HMGCLL1: variants seen among roughly 807,000 people sequenced by gnomAD.
HMGCLL1 encodes the protein 3-hydroxy-3-methylglutaryl-CoA lyase like 1, also known as 3-hydroxymethyl-3-methylglutaryl-CoA lyase, cytoplasmic.
Under a neutral mutation model 39.1 loss-of-function variants are expected in HMGCLL1, and 36 were observed. The ratio of observed to expected loss-of-function variants is 0.92; its 90% confidence interval spans 0.71 to 1.22. The LOEUF (loss-of-function observed/expected upper bound fraction) is 1.22, where lower values mean the gene tolerates loss of function less well. Ranked by LOEUF, HMGCLL1 falls within the 50% of genes most tolerant of loss-of-function variation. HMGCLL1 has a pLI of 0.00. For synonymous variants in HMGCLL1, 149 were observed against 144.0 expected (o/e 1.03, Z -0.25); for missense variants, 451 against 416.5 (o/e 1.08, Z -0.72).
intron 5 of HMGCLL1, among the ~76,000 whole-genome samples, chr6:55,504,077 T>C (rs1465133228): frequency 1.3e-5 from 2 of 151,752 alleles, no homozygotes; most frequent in Non-Finnish European, 2.9e-5. Flanking sequence ...AAACTGGTGT[T>C]CAAGTTTAGC....
intron 1 of HMGCLL1, among the ~76,000 whole-genome samples, chr6:55,573,998 G>T (rs950273818): frequency 6.6e-6 from 1 of 152,042 alleles, no homozygotes; most frequent in Non-Finnish European, 1.5e-5. Flanking sequence ...ATTGTAACTG[G>T]CTTCCACTGT....
intron 7 of HMGCLL1, among the ~76,000 whole-genome samples, chr6:55,468,987 A>G (rs1413842696): frequency 6.6e-6 from 1 of 151,826 alleles, no homozygotes; most frequent in African/African-American, 2.4e-5. Context: ...AATAGCATGT[A>G]TTTAGCAGGG....
chr6:55,676,939 T>C, the HMGCLL1 span, among the ~76,000 whole-genome samples: 2,175 of 152,334 alleles, frequency 0.014, 57 homozygotes, highest in African/African-American at 0.05. Flanking sequence ...GGCCTATTTA[T>C]TACTTCGTAT....
rs558465557 is a variant in HMGCLL1 at position 55,539,790 on chromosome 6, C to A, written c.297+1939G>T. Among the ~76,000 whole-genome samples the A allele has an allele frequency of 2.4e-4, 35 of 146,122 alleles. 1 individual carries two copies. The South Asian group carries it at 4.7e-3, about 19-fold the overall frequency. On this transcript the variant is annotated intron_variant, in intron 3 of 8. Coordinates refer to ENST00000274901, the MANE Select transcript of HMGCLL1 (RefSeq NM_001042406.2). ...CTAAGTGATTAAATAATCTGTACAA[C>A]AAAATCCCGTGACAGATGTTTACCT... is the stretch of plus-strand genomic sequence containing the variant.
chr6:55,454,963 G>A (rs374621703), intron 7 of HMGCLL1, among the ~76,000 whole-genome samples: 23 of 151,680 alleles, frequency 1.5e-4, no homozygotes, highest in African/African-American at 5.6e-4. Flanking sequence ...AAATATTACA[G>A]GCCAGGCACA....
the HMGCLL1 span, among the ~76,000 whole-genome samples, chr6:55,587,078 T>A: frequency 8.1e-4 from 123 of 152,148 alleles, 1 homozygote; most frequent in East Asian, 0.016. Context: ...ACTTTAAGGA[T>A]CGCCATTCTA....
chr6:55,518,310 A>T (rs758170520), intron 3 of HMGCLL1, among the ~76,000 whole-genome samples: 1 of 152,164 alleles, frequency 6.6e-6, no homozygotes, highest in Non-Finnish European at 1.5e-5. Context: ...GAATGAATAA[A>T]GGTTGGTATG....
intron 4 of HMGCLL1, among the ~76,000 whole-genome samples, chr6:55,516,145 A>G (rs921751292): frequency 5.9e-5 from 9 of 152,122 alleles, no homozygotes; most frequent in Non-Finnish European, 1.0e-4. Flanking sequence ...GTTGACAAAA[A>G]TAATTACCAA....
At chr6:55,571,092 A>G (rs1162141752) in intron 1 of HMGCLL1, among the ~76,000 whole-genome samples, 2 of 152,188 alleles carry the variant, frequency 1.3e-5, no homozygotes, top group Non-Finnish European at 2.9e-5. Flanking sequence ...AAATTATGGG[A>G]GCTACAATTC....
chr6:55,606,233 A>G, the HMGCLL1 span, among the ~76,000 whole-genome samples: 2 of 152,210 alleles, frequency 1.3e-5, no homozygotes, highest in African/African-American at 4.8e-5. Context: ...AGGACACAAC[A>G]AAATCCAAAC....
At chr6:55,664,400 G>T in the HMGCLL1 span, among the ~76,000 whole-genome samples, 1 of 151,694 alleles carries the variant, frequency 6.6e-6, no homozygotes, top group Non-Finnish European at 1.5e-5. Flanking sequence ...ATCTGAAAAA[G>T]ATCTTAGTTC....
intron 7 of HMGCLL1, among the ~76,000 whole-genome samples, chr6:55,476,984 C>A (rs1765323996): frequency 9.1e-6 from 1 of 110,356 alleles, no homozygotes; most frequent in South Asian, 3.3e-4. Flanking sequence ...TATGTGTAAG[C>A]CTTGTTTATA....
At chr6:55,605,095 CAGCCTT>C in the HMGCLL1 span, among the ~76,000 whole-genome samples, 1 of 152,192 alleles carries the variant, frequency 6.6e-6, no homozygotes, top group Non-Finnish European at 1.5e-5. Context: ...GGAAGGCAGA[CAGCCTT>C]CAGCTGGCAG....
At chr6:55,492,425 C>T (rs771017522) in intron 7 of HMGCLL1, among the ~76,000 whole-genome samples, 3 of 152,198 alleles carry the variant, frequency 2.0e-5, no homozygotes, top group Non-Finnish European at 4.4e-5. Context: ...CACTCAGCGC[C>T]ACTCAGGACC....
the HMGCLL1 span, among the ~76,000 whole-genome samples, chr6:55,584,278 C>T: frequency 3.9e-5 from 6 of 152,092 alleles, no homozygotes; most frequent in African/African-American, 1.4e-4. Flanking sequence ...GAGTTCCTAT[C>T]ACTTCTATAA....
chr6:55,579,963 A>C (rs2127481766), upstream of HMGCLL1, among the ~76,000 whole-genome samples: 1 of 152,226 alleles, frequency 6.6e-6, no homozygotes, highest in Non-Finnish European at 1.5e-5. Flanking sequence ...ACACCCTAAT[A>C]ATCTTCGCAG....
intron 1 of HMGCLL1, among the ~76,000 whole-genome samples, chr6:55,562,770 G>A (rs936518963): frequency 6.6e-6 from 1 of 152,076 alleles, no homozygotes; most frequent in African/African-American, 2.4e-5. Context: ...GGATAGTGGA[G>A]AGTCTACCTT....
At chr6:55,508,660 T>G (rs983440799) in intron 5 of HMGCLL1, among the ~76,000 whole-genome samples, 3 of 151,844 alleles carry the variant, frequency 2.0e-5, no homozygotes, top group African/African-American at 7.2e-5. Context: ...TTAAATTCAC[T>G]TTGTTATATC....
In HMGCLL1 at chr6:55,560,454, C is replaced by A. The variant is rs184086801; in HGVS notation, c.109-18314G>T. ...ATGTGATACCTATAAGCTGTTCTGT[C>A]CAAATTCCAATTTCAGTTTTTTATA... On this transcript the variant is annotated intron_variant, in intron 1 of 8. Coordinates refer to ENST00000274901, the MANE Select transcript of HMGCLL1 (RefSeq NM_001042406.2). Among the ~76,000 whole-genome samples, 14 of 152,234 alleles carry A rather than the reference C, an allele frequency of 9.2e-5. No homozygotes were observed. The East Asian group carries it at 2.3e-3, about 25-fold the overall frequency.
Sources: allele counts gnomAD v4.1 joint callset (sites outside exome capture counted in the v4.1 genomes callset), GRCh38; gene constraint gnomAD v4.1.1; transcripts MANE v1.5; gene names NCBI Gene and HGNC (gene_info 2026-07-23, HGNC 2026-07-21).